Variants in EMG1 observed in about 807,000 individuals in gnomAD.
EMG1 encodes the protein ribosomal RNA small subunit methyltransferase NEP1.
EMG1 carries 24 observed loss-of-function variants against 26.9 expected under a neutral mutation model. The observed-to-expected ratio is 0.89, with a 90% CI of 0.65 to 1.26. The LOEUF (loss-of-function observed/expected upper bound fraction) is 1.26. Ranked by LOEUF, EMG1 falls within the 50% of genes most tolerant of loss-of-function variation. EMG1 has a pLI of 0.00. For synonymous variants in EMG1, 140 were observed against 112.6 expected, an observed-to-expected ratio of 1.24 and a Z score of -1.54; for missense variants, 299 against 307.6, an observed-to-expected ratio of 0.97 and a Z score of 0.21.
At chr12:6,991,931 C>T (rs1185007649), downstream of EMG1, among the ~76,000 whole-genome samples, 1 of 151,942 alleles carries the variant, frequency 6.6e-6, no homozygotes, top group Non-Finnish European at 1.5e-5. Context: ...GCATGGTGGC[C>T]CACACCTCCC....
downstream of EMG1, among the ~76,000 whole-genome samples, chr12:6,984,732 G>A (rs111470394): frequency 0.014 from 2,075 of 152,142 alleles, 51 homozygotes; most frequent in African/African-American, 0.046. Flanking sequence ...GACCACAGGT[G>A]CTTGCCACCA....
intron 7 of EMG1, among the ~76,000 whole-genome samples, chr12:6,993,820 C>A (rs896660082): frequency 6.6e-6 from 1 of 152,036 alleles, no homozygotes; most frequent in Non-Finnish European, 1.5e-5. Flanking sequence ...CTATGTTGCT[C>A]AGGCTGGTCT....
downstream of EMG1, chr12:6,981,538 C>T (rs1946471026): frequency 1.3e-6 from 2 of 1,577,576 alleles, no homozygotes; most frequent in Non-Finnish European, 1.7e-6. Flanking sequence ...TTGTTAACAA[C>T]TTTTTTCTTC....
chr12:6,988,354 G>A (rs1946549270), downstream of EMG1: 1 of 152,316 alleles, frequency 6.6e-6, no homozygotes, highest in Non-Finnish European at 1.5e-5. Context: ...CGTGGAGAAG[G>A]AAGAACTGTG....
chr12:6,972,257 T>C (rs1555152383), intron 1 of EMG1, among the ~76,000 whole-genome samples: 1 of 152,180 alleles, frequency 6.6e-6, no homozygotes, highest in Non-Finnish European at 1.5e-5. Flanking sequence ...GATTATATCC[T>C]ACTAATGGGT....
chr12:6,971,549 T>G (rs1946328863), intron 1 of EMG1, among the ~76,000 whole-genome samples: 1 of 152,228 alleles, frequency 6.6e-6, no homozygotes, highest in African/African-American at 2.4e-5. Context: ...GTGTTGGGAT[T>G]AGAGGCGTGA....
chr12:6,974,178 C>A (rs137975716), intron 1 of EMG1, among the ~76,000 whole-genome samples, 161 bp from the exon 2 acceptor site: 2 of 152,234 alleles, frequency 1.3e-5, no homozygotes, highest in East Asian at 1.9e-4. Context: ...GGCTCCACCC[C>A]CAGTGTTCCT....
chr12:6,983,635 G>C (rs1555154446), downstream of EMG1: 1 of 729,088 alleles, frequency 1.4e-6, no homozygotes, highest in Admixed American at 2.6e-5. Context: ...AGCCCAGAGG[G>C]AGAGAGAAAA....
At chr12:6,982,678 T>C (rs1555154277), downstream of EMG1, 1 of 1,609,506 alleles carries the variant, frequency 6.2e-7, no homozygotes, top group Non-Finnish European at 8.5e-7. Context: ...ACGTTTACCA[T>C]CTGGAAGCAA....
intron 1 of EMG1, among the ~76,000 whole-genome samples, chr12:6,973,490 A>G (rs1328666047): frequency 6.6e-6 from 1 of 151,578 alleles, no homozygotes; most frequent in Non-Finnish European, 1.5e-5. Flanking sequence ...TAAAACTGGG[A>G]ATAACCCCTC....
At chr12:6,981,895 G>A, downstream of EMG1, 4 of 1,598,342 alleles carry the variant, frequency 2.5e-6, no homozygotes, top group Non-Finnish European at 3.4e-6. Flanking sequence ...TATCCAGCCA[G>A]AAGGTAGGCC....
At chr12:6,995,051 A>G (rs1591552853) in intron 7 of EMG1, among the ~76,000 whole-genome samples, 1 of 151,282 alleles carries the variant, frequency 6.6e-6, no homozygotes, top group East Asian at 1.9e-4. Flanking sequence ...TTTTAATTTG[A>G]TATTTCATTA....
intron 7 of EMG1, among the ~76,000 whole-genome samples, chr12:6,995,024 A>G (rs1221713549): frequency 6.6e-6 from 1 of 151,774 alleles, no homozygotes; most frequent in East Asian, 1.9e-4. Context: ...CACATTTCCT[A>G]CTTCCTTGCT....
rs1555152957 is a variant in EMG1, at chr12:6,975,274, A to G, written c.517A>G (p.Lys173Glu). Reference protein sequence around the residue: ...VSDHFPVGCMKVGTSFSIPVV... With the variant: ...VSDHFPVGCMEVGTSFSIPVV... The stretch of plus-strand genomic sequence containing the variant: ...AGATCACTTTCCAGTTGGATGTATG[A>G]AAGTTGGCACTTCTTTTTCCATCCC... The change falls in exon 5 of 6, where the codon AAA becomes GAA. Residue 173 changes from lysine to glutamate, a missense_variant. Physicochemically the swap from Lys to Glu is moderately conservative, Grantham distance 56. Transcript: ENST00000599672. The G allele has an allele frequency of 1.1e-5, 17 of 1,613,494 alleles. No homozygotes were observed. Among genetic ancestry groups the G allele is most frequent in the Admixed American group, 1.7e-5 (1 of 59,928 alleles).
Position 6,979,659 on chromosome 12 carries a change from G to A in EMG1, c.*3850G>A. 2.1e-6 allele frequency: 2 copies of A among 952,524 alleles called. No homozygotes were observed. The highest frequency in any genetic ancestry group is 3.4e-6 in the Non-Finnish European group (2 of 591,508). The allele number at this position is 952,524 out of a possible 1,614,324, so 59.0% of individuals were successfully genotyped here. On this transcript the variant is annotated 3_prime_UTR_variant, in exon 6 of 6. Transcript: ENST00000599672. Reference sequence around the variant, plus strand: ...ACCCTCTGACCTTCAGTTATGGAGAGGAGTGTTTAGGGGTGTGGTTGTCTA... The same window carrying A: ...ACCCTCTGACCTTCAGTTATGGAGAAGAGTGTTTAGGGGTGTGGTTGTCTA...
Position 6,977,338 on chromosome 12 carries a change from C to T in EMG1, c.*1529C>T, listed in dbSNP as rs1156997350. On this transcript the variant is annotated 3_prime_UTR_variant, in exon 6 of 6. Transcript: ENST00000599672. This position sits in a 1 kb window ranked among gnomAD's most constrained non-coding sequence, Gnocchi z 4.5. Reference sequence around the variant, plus strand: ...ACCTTTGAGGTTGCAGTGAGTCCCTCCCAGTCTCACAAGCAGGCCTTCACT... The same window carrying T: ...ACCTTTGAGGTTGCAGTGAGTCCCTTCCAGTCTCACAAGCAGGCCTTCACT... The T allele has an allele frequency of 6.2e-7, 1 of 1,613,842 alleles. No homozygotes were observed. The highest frequency in any genetic ancestry group is 8.5e-7 in the Non-Finnish European group (1 of 1,179,752).
rs149578211 is a variant in EMG1, at chr12:6,970,938, T to C, written c.15T>C (p.Ser5=). The change falls in exon 1 of 6, where the codon AGT becomes AGC. Residue 5 remains serine (S), a synonymous_variant. Transcript: ENST00000599672. MAAP[S]DGFKPRERSG... is the part of the protein sequence containing the mutation. ...ATTGTTGCAAGATGGCCGCGCCCAG[T>C]GATGGATTCAAGCCTCGTGAACGAA... is the stretch of plus-strand genomic sequence containing the variant. 2.2e-3 allele frequency: 3,580 copies of C among 1,613,020 alleles called. 62 individuals carry two copies. The African/African-American group carries it at 0.039, about 18-fold the overall frequency.
At position 6,977,967 on chromosome 12, in the gene EMG1, G is replaced by A. The variant is rs976582684; in HGVS notation, c.*2158G>A. 1.9e-4 allele frequency: 111 copies of A among 584,702 alleles called. No homozygotes were observed. Among genetic ancestry groups the A allele is most frequent in the South Asian group, 6.2e-4 (31 of 50,304 alleles). 36.2% of individuals were successfully genotyped at this position (584,702 alleles called of 1,614,324 possible). On this transcript the variant is annotated 3_prime_UTR_variant, in exon 6 of 6. Transcript: ENST00000599672. This position sits in a 1 kb window ranked among gnomAD's most constrained non-coding sequence, Gnocchi z 4.5. ...GTGTGCGCACGAGCCACTTGGTTCA[G>A]CAGCAGTGACTGAGGCTGATGCTGA... is the stretch of plus-strand genomic sequence containing the variant.
In EMG1 at chr12:6,975,695, G is replaced by A. The variant is rs782061242; in HGVS notation, c.622-1G>A. 2 of 1,596,002 alleles carry A rather than the reference G, an allele frequency of 1.3e-6. No homozygotes were observed. The highest frequency in any genetic ancestry group is 1.7e-6 in the Non-Finnish European group (2 of 1,163,428). Reference sequence around the variant, plus strand: ...GGCTGACAAAACTGTTCTTTTCTTAGGTCAGTGTGGAGTATACAGAGAAGA... The same window carrying A: ...GGCTGACAAAACTGTTCTTTTCTTAAGTCAGTGTGGAGTATACAGAGAAGA... On this transcript the variant is annotated splice_acceptor_variant, in intron 5 of 5. Coordinates refer to ENST00000599672, the MANE Select transcript of EMG1 (RefSeq NM_006331.8). LOFTEE classifies it high-confidence loss of function.
Sources: allele counts gnomAD v4.1 joint callset (sites outside exome capture counted in the v4.1 genomes callset), GRCh38; gene constraint gnomAD v4.1.1; non-coding constraint Gnocchi (gnomAD v3.1); transcripts MANE v1.5; gene names NCBI Gene and HGNC (gene_info 2026-07-23, HGNC 2026-07-21).